The following RBSN variants were observed in gnomAD, a reference collection of about 807,000 sequenced individuals.
RBSN encodes rabenosyn, RAB effector, also known as rabenosyn-5.
Under a neutral mutation model 60.5 loss-of-function variants are expected in RBSN, and 34 were observed. The observed-to-expected ratio is 0.56, with a 90% CI of 0.43 to 0.75. The LOEUF (loss-of-function observed/expected upper bound fraction) is 0.75. Ranked by LOEUF, RBSN falls within the 30% of genes least tolerant of loss-of-function variation. The probability of loss-of-function intolerance (pLI) is 0.00; values close to 1 mark genes in which losing one functional copy is unlikely to be tolerated. For missense variants in RBSN, 845 were observed against 986.8 expected, an observed-to-expected ratio of 0.86 and a Z score of 1.92; for synonymous variants, 322 against 366.9, an observed-to-expected ratio of 0.88 and a Z score of 1.40.
At position 15,074,042 on chromosome 3, in the gene RBSN, G is replaced by C. The variant is rs766406757; in HGVS notation, c.2095C>G (p.Gln699Glu). 3 of 1,614,124 alleles carry C rather than the reference G, an allele frequency of 1.9e-6. No individual in the cohort carries two copies. In the South Asian group the frequency reaches 3.3e-5, roughly 18 times the overall value. Residue 699 changes from glutamine to glutamate, a missense_variant, in exon 14 of 14, where the codon CAG (glutamine) becomes GAG (glutamate). Physicochemically the swap from Gln to Glu is conservative, Grantham distance 29. Transcript: ENST00000253699. The surrounding 1 kb of genome is among the most constrained non-coding windows in gnomAD (Gnocchi z 6.4). The stretch of plus-strand genomic sequence containing the variant: ...GGAACCAGAGGGCTTGAGAGCCTCT[G>C]CTGGGGATGTTCGTCTTCCTCACTG... ...PFSEEDEHPQ[Q>E]RLSSPLVPGN... is the part of the protein sequence containing the mutation.
intron 8 of RBSN, among the ~76,000 whole-genome samples, chr3:15,083,869 CAA>C (rs1027132292): frequency 4.5e-4 from 69 of 152,250 alleles, no homozygotes; most frequent in African/African-American, 1.6e-3. Flanking sequence ...GCAGAGCAGA[CAA>C]AGAGTTGGTC....
intron 12 of RBSN, 66 bp downstream of exon 12, chr3:15,076,996 C>T: frequency 1.4e-6 from 2 of 1,382,236 alleles, no homozygotes; most frequent in Non-Finnish European, 2.1e-6. Context: ...ATGGATCTGC[C>T]TCCTGGGAAG....
intron 10 of RBSN, among the ~76,000 whole-genome samples, chr3:15,078,775 A>AATAC (rs2043120120): frequency 1.5e-5 from 1 of 65,856 alleles, no homozygotes; most frequent in East Asian, 5.2e-4. Context: ...AAAAAAAAAA[A>AATAC]ATACATATAT....
At chr3:15,087,229 A>G (rs774402176) in intron 5 of RBSN, among the ~76,000 whole-genome samples, 5 of 152,144 alleles carry the variant, frequency 3.3e-5, no homozygotes, top group Non-Finnish European at 5.9e-5. Flanking sequence ...ATTAACTATA[A>G]TCAGGCCAGG....
intron 10 of RBSN, among the ~76,000 whole-genome samples, chr3:15,079,437 C>T (rs2043146698): frequency 6.6e-6 from 1 of 152,092 alleles, no homozygotes; most frequent in African/African-American, 2.4e-5. Context: ...CTCCTAGGTA[C>T]CTACCCGAGA....
In RBSN at chr3:15,091,210, C is replaced by CA. The variant is rs55655564; in HGVS notation, c.149-672dup. On this transcript the variant is annotated intron_variant, in intron 4 of 13. Coordinates refer to ENST00000253699, the MANE Select transcript of RBSN (RefSeq NM_022340.4). ...GGACAACCAGAATGAGACCCTGTCT[C>CA]AAAAAAAAAAAAAAAAAAAAAAAAA... is the stretch of plus-strand genomic sequence containing the variant. The CA allele has an allele frequency of 4.7e-4, 55 of 115,880 alleles. 1 individual carries two copies. The highest frequency in any genetic ancestry group is 3.0e-3 in the South Asian group (6 of 2,022). 7.2% of individuals were successfully genotyped at this position (115,880 alleles called of 1,614,324 possible).
chr3:15,091,603 T>A, intron 4 of RBSN: 1 of 702,168 alleles, frequency 1.4e-6, no homozygotes, highest in Non-Finnish European at 2.0e-6. Flanking sequence ...GCAAATACAT[T>A]ATGCCAGTTC....
chr3:15,083,397 T>G (rs541497334), intron 8 of RBSN, among the ~76,000 whole-genome samples: 5 of 152,226 alleles, frequency 3.3e-5, no homozygotes, highest in African/African-American at 9.6e-5. Flanking sequence ...TCAGCAGAAC[T>G]CTCTAGTGTT....
rs1443740988 is a variant in RBSN, at chr3:15,096,715, G to A, written c.-344-5C>T. On this transcript the variant is annotated splice_region_variant and splice_polypyrimidine_tract_variant and intron_variant, in intron 2 of 13. Transcript: ENST00000253699. ...TTCTTGATACTTGTAAGACACCTGT[G>A]TTAGAAATGCAAAGATGAAAAAGAT... The A allele has an allele frequency of 6.6e-6, 1 of 152,124 alleles. No homozygotes were observed. Among genetic ancestry groups the A allele is most frequent in the Non-Finnish European group, 1.5e-5 (1 of 68,032 alleles). The allele number at this position is 152,124 out of a possible 1,614,324, so 9.4% of individuals were successfully genotyped here. A position where few individuals can be genotyped will look rare whatever the true frequency, so the allele number is the denominator to read the frequency against.
chr3:15,073,929 T>TGGGC lies in RBSN; in HGVS notation c.2207_2208insGCCC (p.Glu737ProfsTer10), dbSNP rs1222034044. The TGGGC allele has an allele frequency of 6.8e-6, 11 of 1,613,994 alleles. No individual in the cohort carries two copies. Among genetic ancestry groups the TGGGC allele is most frequent in the Non-Finnish European group, 9.3e-6 (11 of 1,180,026 alleles). ...TATCGATCTGCTGCAGGAGGAGCTCTTCCTCTATGGGCTCCTCAGCCTCTG... is the reference window on the plus strand; with the variant it reads ...TATCGATCTGCTGCAGGAGGAGCTCTGGGCTCCTCTATGGGCTCCTCAGCCTCTG... On this transcript the variant is annotated frameshift_variant, in exon 14 of 14. Coordinates refer to ENST00000253699, the MANE Select transcript of RBSN (RefSeq NM_022340.4). LOFTEE classifies it high-confidence loss of function.
At chr3:15,078,743 G>A (rs1477854776) in intron 10 of RBSN, among the ~76,000 whole-genome samples, 2 of 106,712 alleles carry the variant, frequency 1.9e-5, no homozygotes, top group African/African-American at 8.0e-5. Flanking sequence ...CTAGGCGACA[G>A]AGCAAAACTC....
chr3:15,078,198 T>C (rs375714701), intron 10 of RBSN, 37 bp from the exon 11 acceptor site: 31 of 1,570,154 alleles, frequency 2.0e-5, no homozygotes, highest in South Asian at 1.0e-4. Context: ...CTAAGTTTCA[T>C]GGTGCAGATT....
In RBSN at chr3:15,090,427, A is replaced by T; in HGVS notation, c.261T>A (p.Asp87Glu). ...GCTCCTGGGGTTCCCACATGTAAGG[A>T]TCAACCCCTCCATAGCTGAAAGACT... Reference protein sequence around the residue: ...GYESFSYGGVDPYMWEPQELG... With the variant: ...GYESFSYGGVEPYMWEPQELG... The change falls in exon 5 of 14, where the codon GAT becomes GAA. Residue 87 changes from aspartate to glutamate, a missense_variant. Physicochemically the swap from Asp to Glu is conservative, Grantham distance 45. Coordinates refer to ENST00000253699, the MANE Select transcript of RBSN (RefSeq NM_022340.4). The T allele has an allele frequency of 6.2e-7, 1 of 1,614,116 alleles. No individual in the cohort carries two copies. The highest frequency in any genetic ancestry group is 8.5e-7 in the Non-Finnish European group (1 of 1,180,024).
intron 5 of RBSN, among the ~76,000 whole-genome samples, chr3:15,086,785 C>T (rs1185805208): frequency 6.6e-6 from 1 of 152,134 alleles, no homozygotes; most frequent in Non-Finnish European, 1.5e-5. Flanking sequence ...CTGGTAGATT[C>T]CCTTGTGGGA....
chr3:15,074,812 C>T lies in RBSN; in HGVS notation c.1325G>A (p.Gly442Asp). Residue 442 changes from glycine (G) to aspartate (D), a missense_variant, in exon 14 of 14, where the codon GGC becomes GAC. Transcript: ENST00000253699. This position sits in a 1 kb window ranked among gnomAD's most constrained non-coding sequence, Gnocchi z 6.4. ...CTGACCTCCTGACAGTGGGAGCCAG[C>T]CCTCAGCCTTTCTCAAGGGGGCAGG... ...RGPAPLRKAE[G>D]WLPLSGGQGQ... 1 of 1,614,238 alleles carries T rather than the reference C, an allele frequency of 6.2e-7. No homozygotes were observed. The highest frequency in any genetic ancestry group is 8.5e-7 in the Non-Finnish European group (1 of 1,180,058).
intron 4 of RBSN, chr3:15,091,496 A>G (rs376437388): frequency 7.8e-7 from 1 of 1,285,976 alleles, no homozygotes; most frequent in South Asian, 1.2e-5. Flanking sequence ...TATAACATCT[A>G]CAACATAACA....
In RBSN at chr3:15,084,630, A is replaced by G; in HGVS notation, c.598+105T>C. On this transcript the variant is annotated intron_variant, in intron 8 of 13. Transcript: ENST00000253699. The surrounding 1 kb of genome is among the most constrained non-coding windows in gnomAD (Gnocchi z 4.2). ...AACTCAATGAATGAAGATTCCCATG[A>G]GCCATTAATTTAACAAAAAGGTTCC... 1 of 1,375,948 alleles carries G rather than the reference A, an allele frequency of 7.3e-7. No individual in the cohort carries two copies. Among genetic ancestry groups the G allele is most frequent in the Non-Finnish European group, 9.9e-7 (1 of 1,012,354 alleles). 85.2% of individuals were successfully genotyped at this position (1,375,948 alleles called of 1,614,324 possible).
intron 4 of RBSN, among the ~76,000 whole-genome samples, chr3:15,093,124 T>C (rs187769520): frequency 2.9e-4 from 44 of 152,200 alleles, no homozygotes; most frequent in African/African-American, 1.0e-3. Flanking sequence ...CAAAACCTAA[T>C]ACTAAGGTTC....
At chr3:15,081,907 G>T (rs147178015) in intron 9 of RBSN, among the ~76,000 whole-genome samples, 46 of 152,286 alleles carry the variant, frequency 3.0e-4, no homozygotes, top group African/African-American at 1.0e-3. Context: ...GAGGCATTTG[G>T]ACAAACTTAG....
Sources: allele counts gnomAD v4.1 joint callset (sites outside exome capture counted in the v4.1 genomes callset), GRCh38; gene constraint gnomAD v4.1.1; non-coding constraint Gnocchi (gnomAD v3.1); transcripts MANE v1.5; gene names NCBI Gene and HGNC (gene_info 2026-07-23, HGNC 2026-07-21).